The following MTUS2 variants were observed in gnomAD, a reference collection of about 807,000 sequenced individuals.
The protein encoded by MTUS2 is microtubule associated scaffold protein 2.
Under a neutral mutation model 114.1 loss-of-function variants are expected in MTUS2, and 40 were observed. The observed-to-expected ratio is 0.35, with a 90% CI of 0.27 to 0.46. The LOEUF (loss-of-function observed/expected upper bound fraction) is 0.46, where lower values mean the gene tolerates loss of function less well. Among genes scored for constraint, MTUS2 ranks in the 20% least tolerant of loss-of-function variants. The pLI is 1.00. For synonymous variants in MTUS2, 688 were observed against 672.0 expected (o/e 1.02, Z -0.37); for missense variants, 1,679 against 1,705.4 (o/e 0.98, Z 0.27).
At chr13:29,405,424 A>G (rs1422094906) in intron 8 of MTUS2, among the ~76,000 whole-genome samples, 1 of 152,240 alleles carries the variant, frequency 6.6e-6, no homozygotes, top group East Asian at 1.9e-4. Flanking sequence ...TTTAAATAAA[A>G]AGATGAAGTC....
chr13:29,139,857 G>A (rs1892143693), intron 5 of MTUS2, among the ~76,000 whole-genome samples: 1 of 152,174 alleles, frequency 6.6e-6, no homozygotes, highest in Admixed American at 6.5e-5. Flanking sequence ...GCAGGCACAT[G>A]GGCAAAGAGG....
At chr13:28,944,419 T>C (rs1367907332) in intron 2 of MTUS2, among the ~76,000 whole-genome samples, 1 of 152,198 alleles carries the variant, frequency 6.6e-6, no homozygotes, top group Non-Finnish European at 1.5e-5. Flanking sequence ...GTAACTTCTG[T>C]GTGCTTCAAA....
intron 9 of MTUS2, among the ~76,000 whole-genome samples, chr13:29,464,416 G>T (rs1462537645): frequency 2.6e-5 from 4 of 152,256 alleles, no homozygotes; most frequent in Non-Finnish European, 4.4e-5. Flanking sequence ...AGACATGTAG[G>T]AGAGTCAGTG....
chr13:29,178,159 A>AT (rs1225581207), intron 5 of MTUS2, among the ~76,000 whole-genome samples: 1 of 152,208 alleles, frequency 6.6e-6, no homozygotes, highest in African/African-American at 2.4e-5. Context: ...GGCATTTGGC[A>AT]TATAGGTCTG....
At chr13:29,255,372 G>A (rs760108001) in intron 5 of MTUS2, among the ~76,000 whole-genome samples, 2 of 152,146 alleles carry the variant, frequency 1.3e-5, no homozygotes, top group Non-Finnish European at 2.9e-5. Context: ...CGGTCCATCT[G>A]TCATTCTGTC....
chr13:29,322,133 C>A (rs1401332485), intron 6 of MTUS2, among the ~76,000 whole-genome samples: 2 of 152,094 alleles, frequency 1.3e-5, no homozygotes, highest in African/African-American at 4.8e-5. Context: ...TGATAAAATT[C>A]AAATTGTGCT....
intron 6 of MTUS2, among the ~76,000 whole-genome samples, chr13:29,311,477 G>C (rs1899759594): frequency 6.6e-6 from 1 of 152,102 alleles, no homozygotes; most frequent in South Asian, 2.1e-4. Flanking sequence ...TGTATAATTT[G>C]GTTTGAAATA....
intron 2 of MTUS2, among the ~76,000 whole-genome samples, chr13:29,019,389 T>C (rs533416106): frequency 2.6e-5 from 4 of 152,280 alleles, no homozygotes; most frequent in African/African-American, 9.6e-5. Flanking sequence ...CAGTGGATTA[T>C]CAATGAATGA....
chr13:29,181,091 A>G (rs956826225), intron 5 of MTUS2, among the ~76,000 whole-genome samples: 1 of 152,136 alleles, frequency 6.6e-6, no homozygotes, highest in African/African-American at 2.4e-5. Flanking sequence ...CGCCATTTCA[A>G]AAGCCTTGGC....
At chr13:29,330,453 G>A (rs575590601) in intron 7 of MTUS2, among the ~76,000 whole-genome samples, 7 of 152,242 alleles carry the variant, frequency 4.6e-5, no homozygotes, top group Admixed American at 3.3e-4. Context: ...GACCCCATTT[G>A]TCGATTTTGG....
rs111257983 is a variant in MTUS2, at chr13:28,907,255, G to A, written c.-243+67405G>A. ...CCTAAAAGAGCTCCTGAAGGAAGCA[G>A]TAAACATGGAAAGGAACAACCGGTA... On this transcript the variant is annotated intron_variant, in intron 2 of 15. Transcript: ENST00000612955. Among the ~76,000 whole-genome samples the A allele has an allele frequency of 2.0e-5, 3 of 151,638 alleles. 1 individual carries two copies. Among genetic ancestry groups the A allele is most frequent in the African/African-American group, 7.3e-5 (3 of 41,164 alleles).
intron 2 of MTUS2, among the ~76,000 whole-genome samples, chr13:28,979,189 C>T (rs1884248770): frequency 6.6e-6 from 1 of 152,182 alleles, no homozygotes; most frequent in Admixed American, 6.5e-5. Flanking sequence ...CGTGACCAGC[C>T]ACAGTTGAGG....
chr13:29,142,964 T>C (rs1045126212), intron 5 of MTUS2, among the ~76,000 whole-genome samples: 1 of 152,240 alleles, frequency 6.6e-6, no homozygotes, highest in African/African-American at 2.4e-5. Flanking sequence ...GTAGAGAATT[T>C]CTGGTTATGA....
Position 29,390,033 on chromosome 13 carries a change from A to G in MTUS2, c.3117+30560A>G, listed in dbSNP as rs112546461. On this transcript the variant is annotated intron_variant, in intron 8 of 15. Transcript: ENST00000612955. ...TATACACATACATGTATGTGTATGTATGTATGTGTATATATACACATACAT... is the reference window on the plus strand; with the variant it reads ...TATACACATACATGTATGTGTATGTGTGTATGTGTATATATACACATACAT... 8.3e-4 allele frequency among the ~76,000 whole-genome samples: 6 copies of G among 7,244 alleles called. 1 individual carries two copies. Among genetic ancestry groups the G allele is most frequent in the Admixed American group, 3.4e-3 (1 of 298 alleles). The allele number at this position is 7,244 out of a possible 152,430, so 4.8% of individuals were successfully genotyped here.
At chr13:28,868,463 TC>T (rs1235695176) in intron 2 of MTUS2, among the ~76,000 whole-genome samples, 1 of 152,190 alleles carries the variant, frequency 6.6e-6, no homozygotes, top group Non-Finnish European at 1.5e-5. Context: ...CCCAGGGTGT[TC>T]CTTTTGTCCA....
At chr13:28,895,262 G>C (rs911684870) in intron 2 of MTUS2, among the ~76,000 whole-genome samples, 2 of 152,172 alleles carry the variant, frequency 1.3e-5, no homozygotes, top group Non-Finnish European at 2.9e-5. Context: ...TCTTGGAAGA[G>C]AGCATGTCCT....
Position 29,050,772 on chromosome 13 carries a change from G to A in MTUS2, c.2446+16647G>A, listed in dbSNP as rs529507866. On this transcript the variant is annotated intron_variant, in intron 4 of 15. Coordinates refer to ENST00000612955, the MANE Select transcript of MTUS2 (RefSeq NM_001033602.4). ...CATGTTGGTTTCCACTGGACTCTCA[G>A]CTCATCTCATAGTACGAGGTCTTCC... Among the ~76,000 whole-genome samples the A allele has an allele frequency of 1.1e-4, 16 of 152,322 alleles. No homozygotes were observed. The East Asian group carries it at 2.9e-3, about 28-fold the overall frequency.
intron 2 of MTUS2, among the ~76,000 whole-genome samples, chr13:29,000,139 A>G (rs953733445): frequency 2.0e-5 from 3 of 152,196 alleles, no homozygotes; most frequent in African/African-American, 7.2e-5. Flanking sequence ...TATACCCAGT[A>G]GTAGGATTGG....
intron 8 of MTUS2, among the ~76,000 whole-genome samples, chr13:29,399,720 C>T (rs1010332083): frequency 5.9e-5 from 9 of 151,920 alleles, no homozygotes; most frequent in Non-Finnish European, 2.9e-5. Context: ...AAAAAAAGAA[C>T]AGAGAGAATT....
Sources: gnomAD v4.1 joint callset for allele counts (sites outside exome capture counted in the v4.1 genomes callset) on GRCh38, gnomAD v4.1.1 for gene constraint, MANE v1.5 for transcripts, NCBI Gene and HGNC (gene_info 2026-07-23, HGNC 2026-07-21) for gene names.